The following DDX46 variants were observed in gnomAD, a reference collection of about 807,000 sequenced individuals.
The protein encoded by DDX46 is probable ATP-dependent RNA helicase DDX46.
In DDX46, 30 loss-of-function variants were observed where a neutral mutation model predicts 134.9. That is an observed-to-expected ratio of 0.22 (90% CI 0.17 to 0.30). The LOEUF (loss-of-function observed/expected upper bound fraction) is 0.30, where lower values mean the gene tolerates loss of function less well. Ranked by LOEUF, DDX46 falls within the 10% of genes least tolerant of loss-of-function variation. The pLI is 1.00. For missense variants in DDX46, 622 were observed against 1,248.7 expected, an observed-to-expected ratio of 0.50 and a Z score of 7.56; for synonymous variants, 415 against 404.1, an observed-to-expected ratio of 1.03 and a Z score of -0.32.
At chr5:134,817,231 A>G (rs950464067) in intron 19 of DDX46, 8 of 383,366 alleles carry the variant, frequency 2.1e-5, no homozygotes, top group Admixed American at 4.3e-5. Context: ...GAGTTAGCTA[A>G]TTATCAACTA....
chr5:134,779,276 C>G (rs1561857270), intron 6 of DDX46, among the ~76,000 whole-genome samples: 2 of 151,704 alleles, frequency 1.3e-5, no homozygotes, highest in African/African-American at 2.4e-5. Context: ...TCACTGCACC[C>G]TGTGCCTCCC....
chr5:134,784,462 A>G lies in DDX46; in HGVS notation c.1263A>G (p.Gly421=), dbSNP rs1472048800. Residue 421 remains glycine, a synonymous_variant, in exon 10 of 23, where the codon GGA becomes GGG. Coordinates refer to ENST00000452510, the MANE Select transcript of DDX46 (RefSeq NM_001300860.2). ...DLIGIAKTGS[G]KTIAFLLPMF... ...TTGGCATTGCCAAAACAGGAAGTGGAAAGACCATTGCTTTTCTGTTGCCCA... is the reference window on the plus strand; with the variant it reads ...TTGGCATTGCCAAAACAGGAAGTGGGAAGACCATTGCTTTTCTGTTGCCCA... 1.1e-5 allele frequency: 18 copies of G among 1,614,022 alleles called. No homozygotes were observed. The highest frequency in any genetic ancestry group is 1.5e-5 in the Non-Finnish European group (18 of 1,180,018).
intron 1 of DDX46, among the ~76,000 whole-genome samples, chr5:134,761,996 C>G (rs1489904541): frequency 6.6e-6 from 1 of 152,064 alleles, no homozygotes; most frequent in African/African-American, 2.4e-5. Flanking sequence ...TGGCTCACAC[C>G]TGTAATCCCA....
chr5:134,766,980 G>A lies in DDX46; in HGVS notation c.270G>A (p.Arg90=). 6.2e-7 allele frequency: 1 copy of A among 1,614,178 alleles called. No homozygotes were observed. ...GAAGAAGATCTCGAAGTAGAGACAG[G>A]AGACGCTCAAGGAGTAGAAGCCGGG... ...RERRRSRSRD[R]RRSRSRSRGR... The change falls in exon 3 of 23, where the codon AGG becomes AGA. Residue 90 remains arginine, a synonymous_variant. Transcript: ENST00000452510.
chr5:134,770,117 G>A (rs912493568), intron 3 of DDX46, among the ~76,000 whole-genome samples: 4 of 150,704 alleles, frequency 2.7e-5, no homozygotes, highest in Non-Finnish European at 2.9e-5. Flanking sequence ...GGCTGGTCTC[G>A]AACTCCTGGG....
At chr5:134,823,193 G>A (rs1041356566) in intron 21 of DDX46, among the ~76,000 whole-genome samples, 4 of 126,356 alleles carry the variant, frequency 3.2e-5, no homozygotes, top group Admixed American at 1.0e-4. Flanking sequence ...ATGGAGTCTC[G>A]CTCTGTCGCC....
intron 15 of DDX46, among the ~76,000 whole-genome samples, chr5:134,802,016 C>T (rs907609404): frequency 3.3e-5 from 5 of 151,912 alleles, no homozygotes; most frequent in South Asian, 2.1e-4. Flanking sequence ...GGAAATTCTT[C>T]GTTATTTCTT....
intron 15 of DDX46, among the ~76,000 whole-genome samples, chr5:134,806,299 A>G (rs934647095): frequency 1.3e-5 from 2 of 151,918 alleles, no homozygotes; most frequent in East Asian, 1.9e-4. Context: ...TGAGACTGGG[A>G]TTAGGCCCGT....
At chr5:134,787,773 G>A (rs1264336005) in intron 11 of DDX46, among the ~76,000 whole-genome samples, 2 of 152,106 alleles carry the variant, frequency 1.3e-5, no homozygotes, top group African/African-American at 4.8e-5. Context: ...ATTTTGGGAG[G>A]CTGAAATGGA....
chr5:134,781,216 G>A lies in DDX46; in HGVS notation c.849G>A (p.Glu283=), dbSNP rs1433783185. Residue 283 remains glutamate, a synonymous_variant, in exon 7 of 23, where the codon GAG becomes GAA. Transcript: ENST00000452510. The part of the protein sequence containing the change: ...AVVDSDKKKG[E]LMENDQDAME... ...TGGATTCTGATAAGAAGAAAGGTGA[G>A]CTGATGGAGAATGACCAGGATGCCA... The A allele has an allele frequency of 1.2e-6, 2 of 1,605,824 alleles. No homozygotes were observed. Among genetic ancestry groups the A allele is most frequent in the Admixed American group, 1.7e-5 (1 of 57,420 alleles).
chr5:134,791,110 GC>G (rs1442723737), intron 13 of DDX46, among the ~76,000 whole-genome samples: 2 of 152,226 alleles, frequency 1.3e-5, no homozygotes, highest in Non-Finnish European at 2.9e-5. Flanking sequence ...GAGCCACTGT[GC>G]CCGGCCCATT....
rs62380019 is a variant in DDX46, at chr5:134,822,810, C to T, written c.2977+3806C>T. ...CAGACTGTTCTTGAACTCCTGGGCT[C>T]AAGTGATCCTCCTGCCTCAGCCTCC... On this transcript the variant is annotated intron_variant, in intron 21 of 22. Transcript: ENST00000452510. Among the ~76,000 whole-genome samples, 1,207 of 152,232 alleles carry T rather than the reference C, an allele frequency of 7.9e-3. 12 individuals carry two copies. The highest frequency in any genetic ancestry group is 0.01 in the Non-Finnish European group (682 of 68,018).
chr5:134,830,538 A>G lies in DDX46; in HGVS notation c.*1832A>G, dbSNP rs952167408. ...AAATAAAAGCATACTATAGTTGTAA[A>G]AACAAATAATTTTAATAGTATATTC... On this transcript the variant is annotated 3_prime_UTR_variant, in exon 23 of 23. Coordinates refer to ENST00000452510, the MANE Select transcript of DDX46 (RefSeq NM_001300860.2). The G allele has an allele frequency of 2.0e-5, 3 of 152,232 alleles. No homozygotes were observed. The highest frequency in any genetic ancestry group is 7.2e-5 in the African/African-American group (3 of 41,458). 9.4% of individuals were successfully genotyped at this position (152,232 alleles called of 1,614,324 possible).
chr5:134,784,107 A>T (rs896847267), intron 9 of DDX46, among the ~76,000 whole-genome samples: 1 of 152,190 alleles, frequency 6.6e-6, no homozygotes, highest in Non-Finnish European at 1.5e-5. Flanking sequence ...AGATTTGGCT[A>T]TTCCTAACAT....
In DDX46 at chr5:134,829,294, G is replaced by A. The variant is rs1755673354; in HGVS notation, c.*588G>A. 6.6e-6 allele frequency: 1 copy of A among 152,168 alleles called. No homozygotes were observed. Among genetic ancestry groups the A allele is most frequent in the Admixed American group, 6.5e-5 (1 of 15,272 alleles). 9.4% of individuals were successfully genotyped at this position (152,168 alleles called of 1,614,324 possible). A position where few individuals can be genotyped will look rare whatever the true frequency, so the allele number is the denominator to read the frequency against. ...TTTTTATACAAGTAAAGATTTAATA[G>A]TATAAGGATTTTTTTGCATTTCTTT... On this transcript the variant is annotated 3_prime_UTR_variant, in exon 23 of 23. Coordinates refer to ENST00000452510, the MANE Select transcript of DDX46 (RefSeq NM_001300860.2).
chr5:134,802,229 A>G (rs1754852106), intron 15 of DDX46, among the ~76,000 whole-genome samples: 1 of 126,900 alleles, frequency 7.9e-6, no homozygotes, highest in African/African-American at 3.1e-5. Context: ...CAATGGCACT[A>G]TCTTGGCTCA....
At position 134,773,741 on chromosome 5, in the gene DDX46, G is replaced by A; in HGVS notation, c.493G>A (p.Glu165Lys). 6.2e-7 allele frequency: 1 copy of A among 1,610,240 alleles called. No individual in the cohort carries two copies. Among genetic ancestry groups the A allele is most frequent in the Non-Finnish European group, 8.5e-7 (1 of 1,177,914 alleles). Residue 165 changes from glutamate to lysine, a missense_variant, in exon 5 of 23, where the codon GAA becomes AAA. Transcript: ENST00000452510. ...KLEEEMRKRK[E>K]RVEKWREEQR... ...GGAAGAAGAAATGAGAAAGCGAAAA[G>A]AAAGAGTAGAAAAATGGCGAGAAGA... is the stretch of plus-strand genomic sequence containing the variant.
intron 21 of DDX46, among the ~76,000 whole-genome samples, chr5:134,822,271 A>G (rs892843343): frequency 6.6e-6 from 1 of 152,212 alleles, no homozygotes; most frequent in Non-Finnish European, 1.5e-5. Flanking sequence ...TTTTAATACT[A>G]TACAAAAATT....
At chr5:134,768,109 A>G (rs1159937434) in intron 3 of DDX46, among the ~76,000 whole-genome samples, 1 of 141,840 alleles carries the variant, frequency 7.1e-6, no homozygotes, top group Non-Finnish European at 1.6e-5. Flanking sequence ...ATAAGTGAAG[A>G]TTTTTTTTTT....
Sources: allele counts gnomAD v4.1 joint callset (sites outside exome capture counted in the v4.1 genomes callset), GRCh38; gene constraint gnomAD v4.1.1; transcripts MANE v1.5; gene names NCBI Gene and HGNC (gene_info 2026-07-23, HGNC 2026-07-21).